Variants in TAFA5 observed in about 807,000 individuals in gnomAD.
TAFA5 encodes the protein chemokine-like protein TAFA-5.
A neutral mutation model predicts 15.3 loss-of-function variants in TAFA5; 6 were observed. The observed-to-expected ratio is 0.39, with a 90% CI of 0.21 to 0.77. The LOEUF is 0.77. Ranked by LOEUF, TAFA5 falls within the 30% of genes least tolerant of loss-of-function variation. The pLI is 0.41. For synonymous variants in TAFA5, 103 were observed against 80.7 expected (o/e 1.28, Z -1.48); for missense variants, 161 against 193.1 (o/e 0.83, Z 0.98).
intron 2 of TAFA5, among the ~76,000 whole-genome samples, chr22:48,702,321 G>C (rs1928935277): frequency 6.6e-6 from 1 of 152,116 alleles, no homozygotes; most frequent in Admixed American, 6.5e-5. Context: ...CTGGCCCAGG[G>C]CCTGGCTGGG....
intron 1 of TAFA5, among the ~76,000 whole-genome samples, chr22:48,506,564 T>G (rs925701185): frequency 1.3e-5 from 2 of 152,152 alleles, no homozygotes; most frequent in East Asian, 1.9e-4. Flanking sequence ...TGGCTTCGTG[T>G]GTCTGTGCCA....
intron 1 of TAFA5, among the ~76,000 whole-genome samples, chr22:48,555,039 C>T (rs773484193): frequency 1.2e-4 from 19 of 152,218 alleles, no homozygotes; most frequent in South Asian, 4.1e-4. Flanking sequence ...GAAGGCTGTT[C>T]CAGTGGCTGT....
At chr22:48,546,311 G>C (rs528039629) in intron 1 of TAFA5, among the ~76,000 whole-genome samples, 1 of 152,214 alleles carries the variant, frequency 6.6e-6, no homozygotes, top group African/African-American at 2.4e-5. Context: ...TCCTCATGTT[G>C]TGCCTGCCCG....
At chr22:48,653,996 C>T (rs1018978146) in intron 2 of TAFA5, among the ~76,000 whole-genome samples, 2 of 152,088 alleles carry the variant, frequency 1.3e-5, no homozygotes, top group Non-Finnish European at 2.9e-5. Context: ...TGTCCCGTCA[C>T]GTAGGCACGG....
At chr22:48,495,655 CTCTG>C (rs1928299613) in intron 1 of TAFA5, among the ~76,000 whole-genome samples, 1 of 152,240 alleles carries the variant, frequency 6.6e-6, no homozygotes, top group Non-Finnish European at 1.5e-5. Flanking sequence ...CCCGTCCTCT[CTCTG>C]TCTGGGCTGC....
intron 3 of TAFA5, among the ~76,000 whole-genome samples, chr22:48,708,899 G>T (rs147300719): frequency 1.3e-5 from 2 of 152,186 alleles, no homozygotes; most frequent in African/African-American, 4.8e-5. Context: ...GGCTCGGCTG[G>T]GCTGTTCCGG....
rs76541708 is a variant in TAFA5, at chr22:48,646,976, G to A, written c.262+230G>A. 8.9e-3 allele frequency among the ~76,000 whole-genome samples: 1,354 copies of A among 152,234 alleles called. 19 individuals carry two copies. The highest frequency in any genetic ancestry group is 0.031 in the African/African-American group (1,291 of 41,540). On this transcript the variant is annotated intron_variant, in intron 2 of 3. Transcript: ENST00000402357. Reference sequence around the variant, plus strand: ...CTGGGGGAGTGGTCGGGGAGATGCCGGTGCCCTGCCTTACTTGCCTATGTT... The same window carrying A: ...CTGGGGGAGTGGTCGGGGAGATGCCAGTGCCCTGCCTTACTTGCCTATGTT...
At chr22:48,650,463 A>T (rs5771675) in intron 2 of TAFA5, among the ~76,000 whole-genome samples, 3 of 151,964 alleles carry the variant, frequency 2.0e-5, no homozygotes, top group Admixed American at 6.5e-5. Flanking sequence ...CCAGAGTGCC[A>T]TCACTTTTTC....
At position 48,715,962 on chromosome 22, in the gene TAFA5, A is replaced by T. The variant is rs1355964876; in HGVS notation, c.390+8118A>T. ...AAGGGGTCCAGTTTCAGTTTTCTGCATATGGCTAGCCAGTTTTCCCAGCAC... is the reference window on the plus strand; with the variant it reads ...AAGGGGTCCAGTTTCAGTTTTCTGCTTATGGCTAGCCAGTTTTCCCAGCAC... On this transcript the variant is annotated intron_variant, in intron 3 of 3. Transcript: ENST00000402357. Among the ~76,000 whole-genome samples, 3 of 152,248 alleles carry T rather than the reference A, an allele frequency of 2.0e-5. No homozygotes were observed. The East Asian group carries it at 5.8e-4, about 29-fold the overall frequency.
intron 1 of TAFA5, among the ~76,000 whole-genome samples, chr22:48,606,448 T>C (rs1406977293): frequency 6.6e-6 from 1 of 152,180 alleles, no homozygotes; most frequent in Non-Finnish European, 1.5e-5. Context: ...TTGCTGTAGG[T>C]ATTTGTCTGG....
intron 1 of TAFA5, among the ~76,000 whole-genome samples, chr22:48,561,567 C>T (rs577984575): frequency 3.9e-5 from 6 of 152,262 alleles, no homozygotes; most frequent in African/African-American, 1.2e-4. Flanking sequence ...TGTTTGTATC[C>T]GCTCCTAACA....
Position 48,576,355 on chromosome 22 carries a change from C to T in TAFA5, c.113-70242C>T, listed in dbSNP as rs550750077. 20 of 1,211,836 alleles carry T rather than the reference C, an allele frequency of 1.7e-5. No homozygotes were observed. In the East Asian group the frequency reaches 6.8e-4, roughly 41 times the overall value. 75.1% of individuals were successfully genotyped at this position (1,211,836 alleles called of 1,614,324 possible). A position where few individuals can be genotyped will look rare whatever the true frequency, so the allele number is the denominator to read the frequency against. ...TGGCGCCTCCAGTCGCGGCGGAGCG[C>T]GGCGTTGGCGGCGGATGGAGGGCGC... is the stretch of plus-strand genomic sequence containing the variant. On this transcript the variant is annotated intron_variant, in intron 1 of 3. Coordinates refer to ENST00000402357, the MANE Select transcript of TAFA5 (RefSeq NM_001082967.3).
At chr22:48,692,115 C>G (rs1021332205) in intron 2 of TAFA5, among the ~76,000 whole-genome samples, 26 of 152,134 alleles carry the variant, frequency 1.7e-4, no homozygotes, top group Non-Finnish European at 3.2e-4. Context: ...CTAGGGTCTT[C>G]CTGGGAAGAC....
chr22:48,491,271 C>T (rs1601830667), intron 1 of TAFA5, among the ~76,000 whole-genome samples: 1 of 152,242 alleles, frequency 6.6e-6, no homozygotes, highest in South Asian at 2.1e-4. Context: ...CTAGAAGATC[C>T]CCAAGCAAGG....
chr22:48,636,176 C>A (rs183769300), intron 1 of TAFA5, among the ~76,000 whole-genome samples: 1 of 152,198 alleles, frequency 6.6e-6, no homozygotes, highest in Non-Finnish European at 1.5e-5. Flanking sequence ...CTGGCCAGGT[C>A]GCTTCAGTTG....
Position 48,560,191 on chromosome 22 carries a change from G to A in TAFA5, c.112+70487G>A, listed in dbSNP as rs16999451. Among the ~76,000 whole-genome samples, 1,657 of 152,304 alleles carry A rather than the reference G, an allele frequency of 0.011. 38 individuals carry two copies. Among genetic ancestry groups the A allele is most frequent in the African/African-American group, 0.037 (1,528 of 41,556 alleles). On this transcript the variant is annotated intron_variant, in intron 1 of 3. Transcript: ENST00000402357. The surrounding 1 kb of genome is among the most constrained non-coding windows in gnomAD (Gnocchi z 4.2). ...CTCAGCAGGGGACCGTTTCTCTAACGGGAGCCTGTCAGTTTCTGGGCGGGG... is the reference window on the plus strand; with the variant it reads ...CTCAGCAGGGGACCGTTTCTCTAACAGGAGCCTGTCAGTTTCTGGGCGGGG...
intron 1 of TAFA5, among the ~76,000 whole-genome samples, chr22:48,593,866 C>A (rs1045760146): frequency 6.6e-6 from 1 of 152,158 alleles, no homozygotes; most frequent in African/African-American, 2.4e-5. Context: ...TGTGAGCATC[C>A]GAGGTGGTGA....
intron 2 of TAFA5, among the ~76,000 whole-genome samples, chr22:48,701,417 C>T (rs1928901696): frequency 6.6e-6 from 1 of 152,198 alleles, no homozygotes; most frequent in African/African-American, 2.4e-5. Context: ...CACGGGTCCA[C>T]CCAGGTGCTG....
At chr22:48,697,363 G>A (rs78627875) in intron 2 of TAFA5, among the ~76,000 whole-genome samples, 6 of 138,396 alleles carry the variant, frequency 4.3e-5, no homozygotes, top group South Asian at 2.4e-4. Context: ...TGATGATAAT[G>A]ATGACGATGA....
Sources: allele counts gnomAD v4.1 joint callset (sites outside exome capture counted in the v4.1 genomes callset), GRCh38; gene constraint gnomAD v4.1.1; non-coding constraint Gnocchi (gnomAD v3.1); transcripts MANE v1.5; gene names NCBI Gene and HGNC (gene_info 2026-07-23, HGNC 2026-07-21).